ROBO2: variants seen among roughly 807,000 people sequenced by gnomAD.
The protein encoded by ROBO2 is roundabout homolog 2.
Under a neutral mutation model 160.8 loss-of-function variants are expected in ROBO2, and 53 were observed. That is an observed-to-expected ratio of 0.33 (90% CI 0.26 to 0.41). The LOEUF (loss-of-function observed/expected upper bound fraction) is 0.41. ROBO2 is among the 10% of genes least tolerant of loss of function. The pLI is 1.00. For synonymous variants in ROBO2, 664 were observed against 611.7 expected, an observed-to-expected ratio of 1.09 and a Z score of -1.26; for missense variants, 1,577 against 1,722.4, an observed-to-expected ratio of 0.92 and a Z score of 1.49.
At chr3:77,227,294 C>T (rs2086612158) in intron 2 of ROBO2, among the ~76,000 whole-genome samples, 1 of 152,262 alleles carries the variant, frequency 6.6e-6, no homozygotes, top group African/African-American at 2.4e-5. Context: ...AAAATATTCA[C>T]ATAAGATTCA....
chr3:75,925,284 TC>T (rs149039148), intron 1 of ROBO2, among the ~76,000 whole-genome samples: 3,500 of 151,952 alleles, frequency 0.023, 62 homozygotes, highest in Admixed American at 0.034. Context: ...TCCTGGCTAC[TC>T]CGGAGGCTGC....
At position 76,411,575 on chromosome 3, in the gene ROBO2, A is replaced by T. The variant is rs554612880; in HGVS notation, c.109+473973A>T. ...TTTCTGCCATAGTTCTTCAGACAAA[A>T]TGCCTTGCTATAGGGAAGACATTTT... On this transcript the variant is annotated intron_variant, in intron 2 of 26. Transcript: ENST00000487694. Among the ~76,000 whole-genome samples, 3 of 152,258 alleles carry T rather than the reference A, an allele frequency of 2.0e-5. No individual in the cohort carries two copies. The South Asian group carries it at 6.2e-4, about 32-fold the overall frequency.
At chr3:76,744,838 C>T (rs1233297500) in intron 2 of ROBO2, among the ~76,000 whole-genome samples, 1 of 152,110 alleles carries the variant, frequency 6.6e-6, no homozygotes, top group Non-Finnish European at 1.5e-5. Flanking sequence ...AATATTTTAG[C>T]TTGAAAAGAA....
At chr3:77,640,619 T>G (rs2095338002) in intron 24 of ROBO2, among the ~76,000 whole-genome samples, 1 of 152,184 alleles carries the variant, frequency 6.6e-6, no homozygotes, top group Non-Finnish European at 1.5e-5. Flanking sequence ...GGCACCTATC[T>G]CATTGGACTG....
chr3:77,354,931 G>T (rs1000380168), intron 2 of ROBO2, among the ~76,000 whole-genome samples: 1 of 152,142 alleles, frequency 6.6e-6, no homozygotes, highest in Non-Finnish European at 1.5e-5. Context: ...TAGAAATACC[G>T]AAGGTTTCTT....
intron 2 of ROBO2, among the ~76,000 whole-genome samples, chr3:77,219,300 A>C (rs112727162): frequency 2.0e-5 from 3 of 151,402 alleles, no homozygotes; most frequent in Non-Finnish European, 4.4e-5. Context: ...TAGAGTGCCC[A>C]TTGTTGCTCC....
chr3:76,936,584 G>T (rs996782722), intron 2 of ROBO2, among the ~76,000 whole-genome samples: 2 of 151,570 alleles, frequency 1.3e-5, no homozygotes. Context: ...ATTTGTGGGA[G>T]CCAACACATT....
At chr3:77,286,023 CA>C (rs1186444234) in intron 2 of ROBO2, among the ~76,000 whole-genome samples, 1 of 152,128 alleles carries the variant, frequency 6.6e-6, no homozygotes, top group Admixed American at 6.6e-5. Context: ...ATTCCCTTCT[CA>C]GAGGTAACAC....
intron 2 of ROBO2, among the ~76,000 whole-genome samples, chr3:76,653,005 G>A (rs1037098692): frequency 1.3e-5 from 2 of 151,984 alleles, no homozygotes; most frequent in Non-Finnish European, 2.9e-5. Context: ...ATTTTCTGAG[G>A]TTCCTTGAGA....
At chr3:77,489,370 T>C (rs2085788335) in intron 4 of ROBO2, among the ~76,000 whole-genome samples, 1 of 152,210 alleles carries the variant, frequency 6.6e-6, no homozygotes, top group Non-Finnish European at 1.5e-5. Context: ...AACTGGACTC[T>C]GCTTGAGGGT....
intron 21 of ROBO2, among the ~76,000 whole-genome samples, chr3:77,615,176 GT>G (rs918091948): frequency 1.1e-3 from 174 of 151,432 alleles, no homozygotes; most frequent in African/African-American, 3.6e-3. Context: ...TAAATTAAGA[GT>G]TTTTTTTTAA....
chr3:76,380,511 A>G (rs1370733809), intron 2 of ROBO2, among the ~76,000 whole-genome samples: 4 of 152,026 alleles, frequency 2.6e-5, no homozygotes, highest in Admixed American at 6.5e-5. Flanking sequence ...AGGAGGACCA[A>G]TTCCTCCTTT....
intron 2 of ROBO2, among the ~76,000 whole-genome samples, chr3:76,049,403 A>ATATATATATATATATTTTT (rs1414664360): frequency 1.9e-5 from 1 of 53,762 alleles, no homozygotes; most frequent in African/African-American, 1.5e-4. Context: ...ATATATATAT[A>ATATATATATATATATTTTT]TTTTTTTTTT....
At chr3:76,892,419 C>A (rs181462769) in intron 2 of ROBO2, among the ~76,000 whole-genome samples, 8 of 152,274 alleles carry the variant, frequency 5.3e-5, no homozygotes, top group Admixed American at 6.5e-5. Context: ...CAAAATCAAG[C>A]ATTCCACTCT....
At chr3:77,628,755 C>A (rs971112607) in intron 23 of ROBO2, among the ~76,000 whole-genome samples, 9 of 152,172 alleles carry the variant, frequency 5.9e-5, no homozygotes, top group African/African-American at 2.2e-4. Context: ...GAGAAAATTT[C>A]TTTCTATGTT....
intron 2 of ROBO2, among the ~76,000 whole-genome samples, chr3:77,150,361 G>A (rs2150518452): frequency 6.6e-6 from 1 of 152,250 alleles, no homozygotes; most frequent in East Asian, 1.9e-4. Context: ...TTTGCATTGA[G>A]AACAAAAGAA....
intron 9 of ROBO2, among the ~76,000 whole-genome samples, 173 bp downstream of exon 10, chr3:77,558,322 C>T (rs939625445): frequency 2.0e-5 from 3 of 152,060 alleles, no homozygotes; most frequent in Non-Finnish European, 4.4e-5. Flanking sequence ...GAGGAAAGGT[C>T]ACAGTTTTTA....
chr3:76,328,731 C>T (rs1196908482), intron 2 of ROBO2, among the ~76,000 whole-genome samples: 3 of 151,716 alleles, frequency 2.0e-5, no homozygotes, highest in African/African-American at 4.8e-5. Context: ...GTGGTGGCGG[C>T]GCCTGTAGTC....
chr3:77,244,963 T>TA (rs1553866690), intron 2 of ROBO2, among the ~76,000 whole-genome samples: 16 of 150,926 alleles, frequency 1.1e-4, no homozygotes, highest in African/African-American at 3.7e-4. Context: ...TTTTTTTTTT[T>TA]ATCAAAAAAG....
Sources: allele counts gnomAD v4.1 joint callset (sites outside exome capture counted in the v4.1 genomes callset), GRCh38; gene constraint gnomAD v4.1.1; transcripts MANE v1.5; gene names NCBI Gene and HGNC (gene_info 2026-07-23, HGNC 2026-07-21).